The following COL4A4 variants were observed in gnomAD, a reference collection of about 807,000 sequenced individuals.
The protein encoded by COL4A4 is collagen type IV alpha 4 chain.
A neutral mutation model predicts 192.9 loss-of-function variants in COL4A4; 105 were observed. The observed-to-expected ratio is 0.54, with a 90% CI of 0.46 to 0.64. The LOEUF is 0.64. COL4A4 is among the 30% of genes least tolerant of loss of function. The pLI, the probability that COL4A4 is intolerant of heterozygous loss-of-function variation, is 0.00. For missense variants in COL4A4, 1,967 were observed against 2,169.3 expected, an observed-to-expected ratio of 0.91 and a Z score of 1.85; for synonymous variants, 762 against 769.9, an observed-to-expected ratio of 0.99 and a Z score of 0.17.
chr2:227,088,563 T>C (rs1022382242), intron 22 of COL4A4, 90 bp downstream of exon 22: 5 of 1,491,390 alleles, frequency 3.4e-6, no homozygotes, highest in Admixed American at 3.3e-5. Context: ...ATAAATTACC[T>C]AGTCTTGGGT....
intron 15 of COL4A4, 74 bp downstream of exon 15, chr2:227,102,715 C>A: frequency 7.6e-7 from 1 of 1,315,294 alleles, no homozygotes; most frequent in Non-Finnish European, 1.1e-6. Flanking sequence ...TGTGGGACTA[C>A]TGACCTGGTT....
chr2:227,142,582 C>T (rs548972102), intron 3 of COL4A4, among the ~76,000 whole-genome samples: 6 of 152,002 alleles, frequency 3.9e-5, no homozygotes, highest in Non-Finnish European at 8.8e-5. Context: ...GGTGAAACCC[C>T]GTCTCTACTA....
Position 227,066,385 on chromosome 2 carries a change from G to A in COL4A4, c.1988-3787C>T, listed in dbSNP as rs1339031027. On this transcript the variant is annotated intron_variant, in intron 25 of 47. Transcript: ENST00000396625. ...AGAGAACGCCACAAAGATACTCCTC[G>A]AGAAGAGCAACTCCAAGACACATAA... is the stretch of plus-strand genomic sequence containing the variant. Among the ~76,000 whole-genome samples the A allele has an allele frequency of 1.7e-4, 26 of 151,652 alleles. No homozygotes were observed. The East Asian group carries it at 1.7e-3, about 10-fold the overall frequency.
chr2:227,088,957 T>G, intron 21 of COL4A4, 141 bp from the exon 22 acceptor site: 3 of 955,304 alleles, frequency 3.1e-6, no homozygotes, highest in Non-Finnish European at 3.2e-6. Context: ...GAGCACGTGC[T>G]GTGGGGGCTG....
At chr2:227,069,406 G>A (rs1183591445) in intron 25 of COL4A4, among the ~76,000 whole-genome samples, 63 of 152,184 alleles carry the variant, frequency 4.1e-4, no homozygotes, top group South Asian at 4.2e-4. Flanking sequence ...AGCCGGCATC[G>A]CCAAGTCAAT....
At chr2:227,067,891 G>A (rs1356976400) in intron 25 of COL4A4, among the ~76,000 whole-genome samples, 2 of 140,148 alleles carry the variant, frequency 1.4e-5, no homozygotes, top group Non-Finnish European at 3.1e-5. Flanking sequence ...AAGAAATAGA[G>A]ACACAAAAAA....
chr2:227,078,668 T>A (rs2059164514), intron 24 of COL4A4, among the ~76,000 whole-genome samples: 2 of 152,234 alleles, frequency 1.3e-5, no homozygotes, highest in East Asian at 3.8e-4. Flanking sequence ...TTCTCTAATA[T>A]CATATGTCAT....
chr2:227,072,466 T>C (rs1423342393), intron 25 of COL4A4, among the ~76,000 whole-genome samples: 3 of 151,802 alleles, frequency 2.0e-5, no homozygotes, highest in Non-Finnish European at 3.0e-5. Context: ...AAATTCTACT[T>C]AGACACTGAG....
chr2:227,062,533 G>A lies in COL4A4; in HGVS notation c.2053C>T (p.Pro685Ser), dbSNP rs770025316. Residue 685 changes from proline (P) to serine (S), a missense_variant, in exon 26 of 48, where the codon CCA (proline) becomes TCA (serine). Pro to Ser is a moderately conservative substitution (Grantham distance 74, BLOSUM62 -1). Coordinates refer to ENST00000396625, the MANE Select transcript of COL4A4 (RefSeq NM_000092.5). Reference sequence around the variant, plus strand: ...AGTAACTTCTCATTGATAATACCTGGAGGTCCATCAAAACCTGGAGGGCCA... The same window carrying A: ...AGTAACTTCTCATTGATAATACCTGAAGGTCCATCAAAACCTGGAGGGCCA... The part of the protein sequence containing the change: ...RHGPPGFDGP[P>S]GPKGFPGPQG... 1.3e-6 allele frequency: 2 copies of A among 1,590,140 alleles called. No homozygotes were observed. The highest frequency in any genetic ancestry group is 3.3e-5 in the Admixed American group (2 of 59,982).
chr2:226,972,958 C>G, the COL4A4 span, among the ~76,000 whole-genome samples: 2 of 149,174 alleles, frequency 1.3e-5, no homozygotes, highest in Non-Finnish European at 3.0e-5. Flanking sequence ...AAAAACCATG[C>G]AGGTTCCCCC....
chr2:227,002,021 A>G (rs1313677340), downstream of COL4A4, among the ~76,000 whole-genome samples: 1 of 152,114 alleles, frequency 6.6e-6, no homozygotes, highest in Non-Finnish European at 1.5e-5. Context: ...AAAATTAAAA[A>G]TTAACCAGGC....
intron 42 of COL4A4, among the ~76,000 whole-genome samples, chr2:227,027,249 CA>C (rs35287644): frequency 0.5 from 60,740 of 121,406 alleles, 12,639 homozygotes; most frequent in South Asian, 0.55. Flanking sequence ...AAGACTGTCT[CA>C]AAAAAAAAAA....
chr2:227,077,332 T>C (rs185217216), intron 25 of COL4A4, among the ~76,000 whole-genome samples: 1 of 152,314 alleles, frequency 6.6e-6, no homozygotes, highest in Non-Finnish European at 1.5e-5. Flanking sequence ...GAGAACATTT[T>C]CTTTTGTAGG....
chr2:227,114,503 GGGTAAT>G (rs1302834911), intron 8 of COL4A4, 119 bp downstream of exon 8: 1 of 804,956 alleles, frequency 1.2e-6, no homozygotes, highest in Non-Finnish European at 2.2e-6. Flanking sequence ...CTGAGGGTCA[GGGTAAT>G]GATAAAAATT....
intron 21 of COL4A4, among the ~76,000 whole-genome samples, chr2:227,089,059 T>G (rs1437964867): frequency 6.6e-6 from 1 of 152,110 alleles, no homozygotes; most frequent in Non-Finnish European, 1.5e-5. Context: ...CGTTCCTTAA[T>G]AAATTTATCC....
chr2:226,973,644 A>T, the COL4A4 span, among the ~76,000 whole-genome samples: 1 of 152,226 alleles, frequency 6.6e-6, no homozygotes, highest in Non-Finnish European at 1.5e-5. Flanking sequence ...TTCCAGAGAC[A>T]AAGGTAAGTT....
At chr2:226,989,376 G>A in the COL4A4 span, among the ~76,000 whole-genome samples, 1 of 152,168 alleles carries the variant, frequency 6.6e-6, no homozygotes, top group Admixed American at 6.5e-5. Context: ...GGTACTGTTG[G>A]GTAACGGGGT....
intron 2 of COL4A4, among the ~76,000 whole-genome samples, chr2:227,145,981 T>A (rs1398242806): frequency 6.6e-6 from 1 of 152,260 alleles, no homozygotes; most frequent in Non-Finnish European, 1.5e-5. Context: ...TATTTACAAC[T>A]CTTGCTTGTT....
Position 227,088,831 on chromosome 2 carries a change from A to G in COL4A4, c.1460-15T>C, listed in dbSNP as rs2059741640. 6.2e-7 allele frequency: 1 copy of G among 1,613,878 alleles called. No individual in the cohort carries two copies. On this transcript the variant is annotated splice_polypyrimidine_tract_variant and intron_variant, in intron 21 of 47. Transcript: ENST00000396625. ...TCCTTCATTTCCTAGACAGAGGATC[A>G]ATGGCAGATTTGTCATATTTCCTGA...
Sources: allele counts gnomAD v4.1 joint callset (sites outside exome capture counted in the v4.1 genomes callset), GRCh38; gene constraint gnomAD v4.1.1; transcripts MANE v1.5; gene names NCBI Gene and HGNC (gene_info 2026-07-23, HGNC 2026-07-21).